UBN2: variants seen among roughly 807,000 people sequenced by gnomAD.
The protein encoded by UBN2 is ubinuclein-2.
UBN2 carries 35 observed loss-of-function variants against 120.2 expected under a neutral mutation model. That is an observed-to-expected ratio of 0.29 (90% CI 0.22 to 0.39). The LOEUF is 0.39. UBN2 is among the 10% of genes least tolerant of loss of function. The pLI is 1.00. For missense variants in UBN2, 1,693 were observed against 1,663.2 expected (o/e 1.02, Z -0.31); for synonymous variants, 661 against 648.7 (o/e 1.02, Z -0.29).
At position 139,284,315 on chromosome 7, in the gene UBN2, T is replaced by C. The variant is rs1449490401; in HGVS notation, c.3410T>C (p.Leu1137Pro). The change falls in exon 15 of 18, where the codon CTT (leucine) becomes CCT (proline). Residue 1137 changes from leucine to proline, a missense_variant. Physicochemically the swap from Leu to Pro is moderately conservative, Grantham distance 98 (BLOSUM62 -3). This residue lies in a region of UBN2 where 837 missense variants were observed against 817.6 expected (regional missense o/e 1.02). Coordinates refer to ENST00000473989, the MANE Select transcript of UBN2 (RefSeq NM_173569.4). ...NLLPSSRTSG[L>P]PPTKNLQAPS... is the part of the protein sequence containing the mutation. ...TTGCCCTCTAGTCGCACTTCAGGCC[T>C]TCCACCTACAAAAAATCTTCAGGCC... is the stretch of plus-strand genomic sequence containing the variant. The C allele has an allele frequency of 2.5e-6, 4 of 1,614,134 alleles. No homozygotes were observed. Among genetic ancestry groups the C allele is most frequent in the Admixed American group, 1.7e-5 (1 of 60,006 alleles).
In UBN2 at chr7:139,244,353, A is replaced by G. The variant is rs1796404074; in HGVS notation, c.561+7256A>G. Among the ~76,000 whole-genome samples the G allele has an allele frequency of 2.0e-5, 3 of 152,138 alleles. No homozygotes were observed. In the South Asian group the frequency reaches 6.2e-4, roughly 31 times the overall value. ...AAAATCCATGTGCAATTACGTTTGT[A>G]CTTTCTTACACTATAAAAAAATTTT... On this transcript the variant is annotated intron_variant, in intron 2 of 17. Coordinates refer to ENST00000473989, the MANE Select transcript of UBN2 (RefSeq NM_173569.4).
intron 15 of UBN2, among the ~76,000 whole-genome samples, chr7:139,286,660 T>C (rs1797798032): frequency 6.6e-6 from 1 of 152,180 alleles, no homozygotes; most frequent in African/African-American, 2.4e-5. Flanking sequence ...AAAAATACCA[T>C]TTTATGATAT....
the UBN2 span, among the ~76,000 whole-genome samples, chr7:139,324,572 A>AG: frequency 5.4e-5 from 8 of 148,556 alleles, no homozygotes; most frequent in East Asian, 2.0e-4. Context: ...AAAAAAAAAA[A>AG]AAAGAAAAAG....
rs892779960 is a variant in UBN2, at chr7:139,302,381, G to A, written c.*4545G>A. On this transcript the variant is annotated 3_prime_UTR_variant, in exon 18 of 18. Coordinates refer to ENST00000473989, the MANE Select transcript of UBN2 (RefSeq NM_173569.4). ...CATTGCTTTTAGTTGATTAAAGTGG[G>A]TGGATTAGAAAAGTATCTTTTCGGC... is the stretch of plus-strand genomic sequence containing the variant. 2.3e-4 allele frequency: 35 copies of A among 152,120 alleles called. No homozygotes were observed. Among genetic ancestry groups the A allele is most frequent in the African/African-American group, 8.2e-4 (34 of 41,414 alleles). The allele number at this position is 152,120 out of a possible 1,614,324, so 9.4% of individuals were successfully genotyped here. A position where few individuals can be genotyped will look rare whatever the true frequency, so the allele number is the denominator to read the frequency against.
Position 139,258,484 on chromosome 7 carries a change from CT to C in UBN2, c.664-3del, listed in dbSNP as rs1482576264. The stretch of plus-strand genomic sequence containing the variant: ...AGCGGAAACTTTTTTGTTTTTTAAT[CT>C]AGTATGATGAATTAGTTCCCGCTTC... On this transcript the variant is annotated splice_polypyrimidine_tract_variant and splice_region_variant and intron_variant, in intron 3 of 17. Transcript: ENST00000473989. 40 of 1,555,130 alleles carry C rather than the reference CT, an allele frequency of 2.6e-5. No homozygotes were observed. The highest frequency in any genetic ancestry group is 3.1e-5 in the Non-Finnish European group (36 of 1,148,812).
chr7:139,277,212 T>C (rs776289487), intron 12 of UBN2: 13 of 152,216 alleles, frequency 8.5e-5, no homozygotes, highest in South Asian at 2.1e-4. Flanking sequence ...TATGCAGTTA[T>C]ATAGGAATTT....
chr7:139,267,529 C>CT lies in UBN2; in HGVS notation c.1466+1127dup, dbSNP rs1797134842. On this transcript the variant is annotated intron_variant, in intron 7 of 17. Coordinates refer to ENST00000473989, the MANE Select transcript of UBN2 (RefSeq NM_173569.4). The stretch of plus-strand genomic sequence containing the variant: ...CCAACCTGGGTGATAGGGTGAGACT[C>CT]TGTCTCCAAAAAAAAAAAAAGAGAG... Among the ~76,000 whole-genome samples the CT allele has an allele frequency of 3.4e-5, 5 of 146,020 alleles. No homozygotes were observed. The South Asian group carries it at 1.1e-3, about 31-fold the overall frequency.
At chr7:139,252,088 A>T in intron 3 of UBN2, 31 bp downstream of exon 3, 1 of 1,577,930 alleles carries the variant, frequency 6.3e-7, no homozygotes, top group Non-Finnish European at 8.7e-7. Context: ...ATAGCAGCAA[A>T]TTCATTGTTT....
chr7:139,305,554 C>T lies in UBN2; in HGVS notation c.*7718C>T, dbSNP rs1798342831. 1 of 152,178 alleles carries T rather than the reference C, an allele frequency of 6.6e-6. No homozygotes were observed. The highest frequency in any genetic ancestry group is 1.5e-5 in the Non-Finnish European group (1 of 68,024). The allele number at this position is 152,178 out of a possible 1,614,324, so 9.4% of individuals were successfully genotyped here. On this transcript the variant is annotated 3_prime_UTR_variant, in exon 18 of 18. Transcript: ENST00000473989. Reference sequence around the variant, plus strand: ...AGTAGCTACTTGTGATCTTTAATTTCCTTATATTGTGATAGTTCTACTTTT... The same window carrying T: ...AGTAGCTACTTGTGATCTTTAATTTTCTTATATTGTGATAGTTCTACTTTT...
Position 139,258,580 on chromosome 7 carries a change from TGAA to T in UBN2, c.762_764del (p.Glu254del), listed in dbSNP as rs774724044. On this transcript the variant is annotated inframe_deletion, in exon 4 of 18. Coordinates refer to ENST00000473989, the MANE Select transcript of UBN2 (RefSeq NM_173569.4). ...TACAGTTTCGCCAAGCTTCAGATAC[TGAA>T]GAAGATGATATTACAGACAACCAAA... 9 of 1,606,930 alleles carry T rather than the reference TGAA, an allele frequency of 5.6e-6. No individual in the cohort carries two copies. Among genetic ancestry groups the T allele is most frequent in the South Asian group, 5.6e-5 (5 of 90,060 alleles).
chr7:139,238,570 T>C (rs1796225375), intron 2 of UBN2, among the ~76,000 whole-genome samples: 1 of 152,096 alleles, frequency 6.6e-6, no homozygotes, highest in Non-Finnish European at 1.5e-5. Context: ...ATTACAGGCA[T>C]GCACCACCAT....
the UBN2 span, among the ~76,000 whole-genome samples, chr7:139,325,842 G>T: frequency 6.6e-6 from 1 of 152,302 alleles, no homozygotes; most frequent in East Asian, 1.9e-4. Context: ...TTGAAGGACA[G>T]GATGGAGGTG....
intron 2 of UBN2, among the ~76,000 whole-genome samples, chr7:139,243,058 A>G (rs1180512354): frequency 4.6e-5 from 7 of 152,212 alleles, no homozygotes; most frequent in Non-Finnish European, 7.3e-5. Flanking sequence ...TTGGTTTACT[A>G]TTAGCTGGAG....
At chr7:139,247,577 C>T (rs559924917) in intron 2 of UBN2, among the ~76,000 whole-genome samples, 2 of 152,308 alleles carry the variant, frequency 1.3e-5, no homozygotes, top group Admixed American at 6.5e-5. Flanking sequence ...TCCTAGCCTT[C>T]GTTTTCCCCA....
At chr7:139,320,377 G>T in the UBN2 span, among the ~76,000 whole-genome samples, 1 of 151,118 alleles carries the variant, frequency 6.6e-6, no homozygotes. Context: ...CAGGAGAATC[G>T]CTTGAACTGG....
At position 139,300,074 on chromosome 7, in the gene UBN2, A is replaced by G. The variant is rs1798217415; in HGVS notation, c.*2238A>G. ...AACCATCAATTCTGAATCATGCCAT[A>G]TGAAGATCCCTGGTGACTGTCATCA... On this transcript the variant is annotated 3_prime_UTR_variant, in exon 18 of 18. Transcript: ENST00000473989. The G allele has an allele frequency of 6.6e-6, 1 of 152,216 alleles. No homozygotes were observed. The highest frequency in any genetic ancestry group is 1.5e-5 in the Non-Finnish European group (1 of 68,026). 9.4% of individuals were successfully genotyped at this position (152,216 alleles called of 1,614,324 possible). A position where few individuals can be genotyped will look rare whatever the true frequency, so the allele number is the denominator to read the frequency against.
At chr7:139,266,270 C>A in intron 6 of UBN2, 63 bp from the exon 7 acceptor site, 1 of 1,039,962 alleles carries the variant, frequency 9.6e-7, no homozygotes, top group Non-Finnish European at 1.4e-6. Context: ...AACACGTGTC[C>A]TAAGAATGCA....
intron 2 of UBN2, among the ~76,000 whole-genome samples, chr7:139,248,825 A>G (rs753766022): frequency 6.6e-6 from 1 of 151,918 alleles, no homozygotes; most frequent in Non-Finnish European, 1.5e-5. Context: ...ACTACCTCCT[A>G]CCAACCTCTC....
At chr7:139,281,514 CCATA>C (rs1239216669) in intron 13 of UBN2, among the ~76,000 whole-genome samples, 1 of 152,148 alleles carries the variant, frequency 6.6e-6, no homozygotes, top group Non-Finnish European at 1.5e-5. Context: ...GTCCGTCCAT[CCATA>C]CATCCATCCA....
Sources: allele counts gnomAD v4.1 joint callset (sites outside exome capture counted in the v4.1 genomes callset), GRCh38; gene constraint gnomAD v4.1.1; regional missense constraint gnomAD v4.1.1; transcripts MANE v1.5; gene names NCBI Gene and HGNC (gene_info 2026-07-23, HGNC 2026-07-21).